The following SLC8A1 variants were observed in gnomAD, a reference collection of about 807,000 sequenced individuals.
SLC8A1 encodes sodium/calcium exchanger 1.
SLC8A1 carries 18 observed loss-of-function variants against 68.3 expected under a neutral mutation model. That is an observed-to-expected ratio of 0.26 (90% confidence interval 0.18 to 0.39). The LOEUF is 0.39. Among genes scored for constraint, SLC8A1 ranks in the 10% least tolerant of loss-of-function variants. SLC8A1 has a pLI of 1.00. For missense variants in SLC8A1, 985 were observed against 1,156.7 expected (o/e 0.85, Z 2.15); for synonymous variants, 475 against 415.5 (o/e 1.14, Z -1.74).
intron 2 of SLC8A1, among the ~76,000 whole-genome samples, chr2:40,379,544 C>G (rs188358365): frequency 6.6e-6 from 1 of 152,036 alleles, no homozygotes; most frequent in South Asian, 2.1e-4. Flanking sequence ...GTCACCTAAC[C>G]GAAGTCGCCC....
intron 2 of SLC8A1, among the ~76,000 whole-genome samples, chr2:40,275,736 T>A (rs1466132852): frequency 6.6e-6 from 1 of 152,156 alleles, no homozygotes; most frequent in Non-Finnish European, 1.5e-5. Context: ...ATGGGATAAT[T>A]ATGTGAAAGG....
At chr2:40,501,871 T>A (rs1327103007) in intron 1 of SLC8A1, among the ~76,000 whole-genome samples, 2 of 152,050 alleles carry the variant, frequency 1.3e-5, no homozygotes, top group Non-Finnish European at 2.9e-5. Flanking sequence ...TCTCAGATTA[T>A]CTTATAACCA....
At chr2:40,306,616 G>C (rs921990788) in intron 2 of SLC8A1, among the ~76,000 whole-genome samples, 52 of 152,146 alleles carry the variant, frequency 3.4e-4, no homozygotes, top group African/African-American at 1.2e-3. Flanking sequence ...GTTGCCAAAG[G>C]AAAGTGTGAC....
chr2:40,365,734 C>T (rs1000155877), intron 2 of SLC8A1, among the ~76,000 whole-genome samples: 9 of 152,086 alleles, frequency 5.9e-5, no homozygotes, highest in South Asian at 2.1e-4. Context: ...GGTGCAGTAG[C>T]GAGCACCTAT....
chr2:40,215,981 T>G (rs1018635252), intron 2 of SLC8A1, among the ~76,000 whole-genome samples: 1 of 150,512 alleles, frequency 6.6e-6, no homozygotes, highest in Non-Finnish European at 1.5e-5. Flanking sequence ...TGGGTGATCA[T>G]GGGTTGACAT....
At chr2:40,246,536 A>G (rs530905133) in intron 2 of SLC8A1, among the ~76,000 whole-genome samples, 3 of 152,200 alleles carry the variant, frequency 2.0e-5, no homozygotes, top group Admixed American at 6.5e-5. Flanking sequence ...ACTGTGGGGT[A>G]ATCACTCTGC....
At chr2:40,137,391 A>G (rs566139921) in intron 7 of SLC8A1, among the ~76,000 whole-genome samples, 8 of 152,314 alleles carry the variant, frequency 5.3e-5, no homozygotes, top group Middle Eastern at 3.4e-3. Context: ...GACAATTGTT[A>G]TAAGAGACCT....
intron 2 of SLC8A1, among the ~76,000 whole-genome samples, chr2:40,258,251 C>T (rs1462498446): frequency 6.6e-6 from 1 of 152,146 alleles, no homozygotes; most frequent in South Asian, 2.1e-4. Context: ...GCAATTTGTT[C>T]CTTCATTAAG....
intron 2 of SLC8A1, among the ~76,000 whole-genome samples, chr2:40,302,437 T>TTG (rs60780425): frequency 0.16 from 20,622 of 132,754 alleles, 1,532 homozygotes; most frequent in African/African-American, 0.22. Context: ...TAGTATTCCA[T>TTG]TGTGTGTGTG....
intron 2 of SLC8A1, among the ~76,000 whole-genome samples, chr2:40,282,634 G>A (rs1442114454): frequency 6.6e-6 from 1 of 152,096 alleles, no homozygotes; most frequent in African/African-American, 2.4e-5. Flanking sequence ...CCTTTGCTCC[G>A]TTTAGTACCG....
At chr2:40,144,381 G>A (rs1436294559) in intron 6 of SLC8A1, among the ~76,000 whole-genome samples, 3 of 152,164 alleles carry the variant, frequency 2.0e-5, no homozygotes, top group African/African-American at 4.8e-5. Flanking sequence ...GAGAATTTAA[G>A]TGACTTGCTA....
At chr2:40,153,078 C>A (rs957587969) in intron 6 of SLC8A1, among the ~76,000 whole-genome samples, 1 of 151,824 alleles carries the variant, frequency 6.6e-6, no homozygotes, top group Non-Finnish European at 1.5e-5. Context: ...AATGAACTAG[C>A]TTACATTTTA....
intron 2 of SLC8A1, among the ~76,000 whole-genome samples, chr2:40,282,886 T>G (rs964400295): frequency 6.6e-6 from 1 of 152,196 alleles, no homozygotes; most frequent in South Asian, 2.1e-4. Flanking sequence ...CAGTGAATCT[T>G]GAAGACCCTG....
intron 2 of SLC8A1, among the ~76,000 whole-genome samples, chr2:40,211,125 G>T (rs1474061097): frequency 6.6e-6 from 1 of 152,204 alleles, no homozygotes; most frequent in Non-Finnish European, 1.5e-5. Context: ...AGGACCCACT[G>T]TGGGGCATGG....
At chr2:40,477,132 A>G (rs554607405) in intron 1 of SLC8A1, among the ~76,000 whole-genome samples, 2 of 152,338 alleles carry the variant, frequency 1.3e-5, no homozygotes, top group South Asian at 4.1e-4. Context: ...AACATTTAAT[A>G]CTATTTTCTG....
intron 2 of SLC8A1, among the ~76,000 whole-genome samples, chr2:40,416,368 G>C (rs530272382): frequency 6.6e-5 from 10 of 151,964 alleles, no homozygotes. Flanking sequence ...AAGAAACAAA[G>C]ATTTAAGCTA....
chr2:40,438,461 T>A (rs1368391312), intron 1 of SLC8A1, among the ~76,000 whole-genome samples: 1 of 152,126 alleles, frequency 6.6e-6, no homozygotes. Context: ...CTCTATGGAG[T>A]AGCTTCTATG....
At chr2:40,193,653 G>T (rs2052339879) in intron 2 of SLC8A1, among the ~76,000 whole-genome samples, 2 of 152,112 alleles carry the variant, frequency 1.3e-5, no homozygotes. Flanking sequence ...GCATAATTTT[G>T]CAAGAAGGAG....
rs148643838 is a variant in SLC8A1, at chr2:40,348,131, A to G, written c.1808+80342T>C. Among the ~76,000 whole-genome samples the G allele has an allele frequency of 8.1e-4, 123 of 152,258 alleles. 2 individuals are homozygous for G. Among genetic ancestry groups the G allele is most frequent in the African/African-American group, 2.9e-3 (121 of 41,548 alleles). On this transcript the variant is annotated intron_variant, in intron 2 of 7. Transcript: ENST00000406785. ...GGCTGAAATGTTTTCAAGGGCTGGA[A>G]GACGGCGTGGTGACAGGAAGACAAC...
Sources: allele counts gnomAD v4.1 joint callset (sites outside exome capture counted in the v4.1 genomes callset), GRCh38; gene constraint gnomAD v4.1.1; transcripts MANE v1.5; gene names NCBI Gene and HGNC (gene_info 2026-07-23, HGNC 2026-07-21).